Variants in STAG1 observed in about 807,000 individuals in gnomAD.
STAG1 encodes the protein STAG1 cohesin complex component.
A neutral mutation model predicts 170.9 loss-of-function variants in STAG1; 26 were observed. That is an observed-to-expected ratio of 0.15 (90% CI 0.11 to 0.21). The LOEUF (loss-of-function observed/expected upper bound fraction) is 0.21. Among genes scored for constraint, STAG1 ranks in the 10% least tolerant of loss-of-function variants. STAG1 has a pLI of 1.00. For missense variants in STAG1, 964 were observed against 1,509.5 expected, an observed-to-expected ratio of 0.64 and a Z score of 5.99; for synonymous variants, 514 against 497.7, an observed-to-expected ratio of 1.03 and a Z score of -0.44.
chr3:136,719,968 G>C (rs1183348681), intron 1 of STAG1, among the ~76,000 whole-genome samples: 2 of 152,102 alleles, frequency 1.3e-5, no homozygotes, highest in Non-Finnish European at 2.9e-5. Flanking sequence ...CCTGAGGCCA[G>C]GAGTTCGAGA....
intron 5 of STAG1, 110 bp downstream of exon 5, chr3:136,568,655 A>G (rs1937162631): frequency 2.7e-6 from 2 of 739,362 alleles, no homozygotes; most frequent in Non-Finnish European, 4.7e-6. Context: ...AGATTAGCAG[A>G]TAATCTTTAA....
chr3:136,668,340 T>C (rs1241508507), intron 1 of STAG1, among the ~76,000 whole-genome samples: 15 of 146,492 alleles, frequency 1.0e-4, no homozygotes, highest in African/African-American at 3.5e-4. Context: ...ATATATACCA[T>C]ATATTATACA....
chr3:136,516,344 A>C (rs1934375959), intron 7 of STAG1, among the ~76,000 whole-genome samples: 1 of 151,944 alleles, frequency 6.6e-6, no homozygotes, highest in Non-Finnish European at 1.5e-5. Context: ...CAACTCTACA[A>C]AAACTACAAA....
At chr3:136,619,531 G>T (rs1395672361) in intron 3 of STAG1, among the ~76,000 whole-genome samples, 1 of 151,978 alleles carries the variant, frequency 6.6e-6, no homozygotes, top group Non-Finnish European at 1.5e-5. Flanking sequence ...GCTGAGGCTG[G>T]TGGATCACTT....
At chr3:136,372,320 C>T (rs915654536) in intron 23 of STAG1, among the ~76,000 whole-genome samples, 12 of 152,194 alleles carry the variant, frequency 7.9e-5, no homozygotes, top group African/African-American at 2.9e-4. Context: ...TTCCTCTTTT[C>T]CTAACTGAAT....
intron 15 of STAG1, among the ~76,000 whole-genome samples, chr3:136,441,911 A>G (rs2088643544): frequency 1.3e-5 from 2 of 152,136 alleles, no homozygotes; most frequent in South Asian, 4.1e-4. Flanking sequence ...ATTACTTTAG[A>G]TTTTGGCCAG....
chr3:136,682,474 C>T (rs1014999484), intron 1 of STAG1, among the ~76,000 whole-genome samples: 3 of 148,472 alleles, frequency 2.0e-5, no homozygotes, highest in African/African-American at 7.4e-5. Flanking sequence ...CACATATGGA[C>T]AGAGAGGTGA....
intron 1 of STAG1, among the ~76,000 whole-genome samples, chr3:136,664,616 A>C (rs1941690942): frequency 6.6e-6 from 1 of 152,218 alleles, no homozygotes; most frequent in Non-Finnish European, 1.5e-5. Context: ...TTAGAACCAC[A>C]GATATACTAT....
chr3:136,478,549 T>A (rs115595395), intron 9 of STAG1, among the ~76,000 whole-genome samples: 1 of 152,228 alleles, frequency 6.6e-6, no homozygotes, highest in East Asian at 1.9e-4. Context: ...AAATTTTAAG[T>A]AATTTTTAAT....
chr3:136,393,527 C>T (rs954930215), intron 22 of STAG1, among the ~76,000 whole-genome samples: 4 of 151,376 alleles, frequency 2.6e-5, no homozygotes, highest in South Asian at 2.1e-4. Flanking sequence ...AATGAACAAA[C>T]GAGCAAACAA....
chr3:136,578,597 G>A (rs1480026104), intron 4 of STAG1, among the ~76,000 whole-genome samples: 1 of 152,180 alleles, frequency 6.6e-6, no homozygotes, highest in Non-Finnish European at 1.5e-5. Flanking sequence ...GGGACCTGTA[G>A]CCATTAATTA....
intron 1 of STAG1, among the ~76,000 whole-genome samples, chr3:136,651,068 T>TTA (rs1222559968): frequency 1.3e-5 from 2 of 152,066 alleles, no homozygotes; most frequent in Non-Finnish European, 2.9e-5. Flanking sequence ...AGAGATATAA[T>TTA]ATTAAAGTAT....
At chr3:136,548,436 T>A (rs527868155) in intron 5 of STAG1, among the ~76,000 whole-genome samples, 13 of 152,264 alleles carry the variant, frequency 8.5e-5, no homozygotes, top group Non-Finnish European at 1.9e-4. Flanking sequence ...ACTGTACTTT[T>A]GTATCGTATT....
chr3:136,699,692 T>C (rs1942993949), intron 1 of STAG1, among the ~76,000 whole-genome samples: 1 of 152,026 alleles, frequency 6.6e-6, no homozygotes, highest in African/African-American at 2.4e-5. Context: ...CAAATATGGT[T>C]ATGCTCTCAC....
chr3:136,740,969 CTG>C (rs1053522367), intron 1 of STAG1, among the ~76,000 whole-genome samples: 5 of 152,188 alleles, frequency 3.3e-5, no homozygotes, highest in Admixed American at 6.5e-5. Flanking sequence ...AAAAGGGAAA[CTG>C]AGAAAATTCA....
intron 16 of STAG1, among the ~76,000 whole-genome samples, chr3:136,432,276 ACTT>A (rs1341351196): frequency 2.0e-5 from 3 of 151,998 alleles, no homozygotes; most frequent in Non-Finnish European, 4.4e-5. Flanking sequence ...GAGATTCTCT[ACTT>A]CTTGTTTTCA....
intron 14 of STAG1, among the ~76,000 whole-genome samples, chr3:136,448,869 G>A (rs1185826239): frequency 6.6e-6 from 1 of 151,852 alleles, no homozygotes; most frequent in East Asian, 1.9e-4. Flanking sequence ...AACCCAGGAG[G>A]CAGAGGTTGC....
At chr3:136,729,624 G>A (rs1278917425) in intron 1 of STAG1, among the ~76,000 whole-genome samples, 1 of 137,742 alleles carries the variant, frequency 7.3e-6, no homozygotes, top group Non-Finnish European at 1.5e-5. Flanking sequence ...CCAGGCTGGA[G>A]TACAATGACA....
At chr3:136,564,525 T>C (rs1438749693) in intron 5 of STAG1, among the ~76,000 whole-genome samples, 2 of 152,222 alleles carry the variant, frequency 1.3e-5, no homozygotes, top group East Asian at 3.8e-4. Flanking sequence ...TGTTCTAAGA[T>C]ATGTTTACTA....
Sources: allele counts gnomAD v4.1 joint callset (sites outside exome capture counted in the v4.1 genomes callset), GRCh38; gene constraint gnomAD v4.1.1; transcripts MANE v1.5; gene names NCBI Gene and HGNC (gene_info 2026-07-23, HGNC 2026-07-21).